The following EDEM2 variants were observed in gnomAD, a reference collection of about 807,000 sequenced individuals.
EDEM2 encodes ER degradation-enhancing alpha-mannosidase-like protein 2.
Under a neutral mutation model 64.8 loss-of-function variants are expected in EDEM2, and 39 were observed. The ratio of observed to expected loss-of-function variants is 0.60; its 90% confidence interval spans 0.47 to 0.79. The LOEUF (loss-of-function observed/expected upper bound fraction) is 0.79, where lower values mean the gene tolerates loss of function less well. Among genes scored for constraint, EDEM2 ranks in the 30% least tolerant of loss-of-function variants. The pLI is 0.00. For missense variants in EDEM2, 609 were observed against 731.3 expected (o/e 0.83, Z 1.93); for synonymous variants, 296 against 291.5 (o/e 1.02, Z -0.16).
intron 5 of EDEM2, among the ~76,000 whole-genome samples, chr20:35,136,551 G>C (rs1262990763): frequency 1.3e-5 from 2 of 152,110 alleles, no homozygotes; most frequent in African/African-American, 2.4e-5. Context: ...GATCCCGGGA[G>C]TTCAAGACCA....
intron 8 of EDEM2, among the ~76,000 whole-genome samples, chr20:35,125,771 T>C (rs2085425309): frequency 6.6e-6 from 1 of 152,196 alleles, no homozygotes; most frequent in Admixed American, 6.5e-5. Context: ...ACGTAGATTA[T>C]AAAAACATTT....
chr20:35,124,941 C>T (rs910685897), intron 8 of EDEM2, among the ~76,000 whole-genome samples: 3 of 152,166 alleles, frequency 2.0e-5, no homozygotes, highest in Non-Finnish European at 4.4e-5. Context: ...ATTAGGATCA[C>T]TGGGTCAAAG....
intron 2 of EDEM2, among the ~76,000 whole-genome samples, chr20:35,145,662 C>T (rs1404665431): frequency 6.6e-6 from 1 of 152,134 alleles, no homozygotes; most frequent in African/African-American, 2.4e-5. Flanking sequence ...CACAAGGGAA[C>T]TTTTTAAAGT....
intron 8 of EDEM2, among the ~76,000 whole-genome samples, chr20:35,125,649 G>A (rs550346895): frequency 6.6e-6 from 1 of 152,174 alleles, no homozygotes; most frequent in African/African-American, 2.4e-5. Context: ...CTGCCAAAGC[G>A]CTGGGATTAT....
chr20:35,142,972 G>A (rs1431601158), intron 3 of EDEM2, among the ~76,000 whole-genome samples: 2 of 152,118 alleles, frequency 1.3e-5, no homozygotes, highest in Non-Finnish European at 2.9e-5. Context: ...TGATCAGGCT[G>A]GTCTCAAACT....
At chr20:35,116,017 C>T (rs1204460364) in intron 10 of EDEM2, 84 bp from the exon 11 acceptor site, 2 of 1,485,076 alleles carry the variant, frequency 1.3e-6, no homozygotes, top group Non-Finnish European at 1.8e-6. Flanking sequence ...AAGGCCTGTT[C>T]TGCCACAAAG....
Position 35,115,384 on chromosome 20 carries a change from T to C in EDEM2, c.*49A>G. The C allele has an allele frequency of 6.4e-7, 1 of 1,557,946 alleles. No individual in the cohort carries two copies. The highest frequency in any genetic ancestry group is 8.7e-7 in the Non-Finnish European group (1 of 1,155,962). The stretch of plus-strand genomic sequence containing the variant: ...CAAAATATGATAGCCAAAAGCAATT[T>C]ATTATAGTTTAGCCTCAAAAAAATA... On this transcript the variant is annotated 3_prime_UTR_variant, in exon 11 of 11. Transcript: ENST00000374492.
intron 6 of EDEM2, 145 bp from the exon 7 acceptor site, chr20:35,131,928 G>A: frequency 1.1e-6 from 1 of 934,198 alleles, no homozygotes; most frequent in Non-Finnish European, 1.6e-6. Flanking sequence ...GAGAGGGAAG[G>A]GCAATGCTGG....
intron 8 of EDEM2, among the ~76,000 whole-genome samples, chr20:35,124,694 A>G (rs1029738807): frequency 2.6e-5 from 4 of 152,150 alleles, no homozygotes; most frequent in East Asian, 1.9e-4. Context: ...GGTTTCTTGT[A>G]TAACCTTTCA....
At chr20:35,139,263 T>C (rs764688955) in intron 4 of EDEM2, among the ~76,000 whole-genome samples, 2 of 149,156 alleles carry the variant, frequency 1.3e-5, no homozygotes, top group South Asian at 2.1e-4. Flanking sequence ...GGCAGAAGAA[T>C]GGCTTAAACC....
chr20:35,136,734 G>A (rs1032138400), intron 5 of EDEM2, among the ~76,000 whole-genome samples: 5 of 137,052 alleles, frequency 3.6e-5, no homozygotes, highest in African/African-American at 5.4e-5. Flanking sequence ...CAGCCTGGGC[G>A]ACAGAGCAAG....
chr20:35,118,416 T>C (rs2085331843), intron 10 of EDEM2, 182 bp downstream of exon 10: 14 of 865,152 alleles, frequency 1.6e-5, no homozygotes, highest in South Asian at 3.1e-5. Context: ...GTGAGATCTT[T>C]AGCAAGGCAC....
In EDEM2 at chr20:35,128,476, A is replaced by C. The variant is rs554787896; in HGVS notation, c.845-2101T>G. 1.3e-4 allele frequency among the ~76,000 whole-genome samples: 20 copies of C among 149,142 alleles called. No homozygotes were observed. The East Asian group carries it at 3.7e-3, about 27-fold the overall frequency. The stretch of plus-strand genomic sequence containing the variant: ...CAGGAGGCTAAGACAGGAAAATCAC[A>C]GGAGAATTGAACCTGGGAGGCGGAG... On this transcript the variant is annotated intron_variant, in intron 7 of 10. Transcript: ENST00000374492.
chr20:35,128,103 C>T (rs1205882439), intron 7 of EDEM2, among the ~76,000 whole-genome samples: 1 of 152,032 alleles, frequency 6.6e-6, no homozygotes, highest in Admixed American at 6.6e-5. Flanking sequence ...TAAAAAAAGT[C>T]GGCTGGGCGT....
At chr20:35,123,031 G>A (rs549620978) in intron 9 of EDEM2, among the ~76,000 whole-genome samples, 2 of 152,240 alleles carry the variant, frequency 1.3e-5, no homozygotes, top group Admixed American at 1.3e-4. Context: ...CTTCCCTGAA[G>A]TGAATCAAAT....
intron 2 of EDEM2, among the ~76,000 whole-genome samples, chr20:35,146,414 C>A (rs1298145342): frequency 6.6e-6 from 1 of 152,070 alleles, no homozygotes; most frequent in African/African-American, 2.4e-5. Flanking sequence ...GTATTTCAGG[C>A]ACGGGGCACA....
At chr20:35,121,296 C>T (rs149661854) in intron 9 of EDEM2, among the ~76,000 whole-genome samples, 4 of 152,300 alleles carry the variant, frequency 2.6e-5, no homozygotes, top group South Asian at 2.1e-4. Context: ...GATCATCAGG[C>T]ATCAGCTTCT....
At chr20:35,118,011 T>A (rs1374503648) in intron 10 of EDEM2, among the ~76,000 whole-genome samples, 6 of 152,142 alleles carry the variant, frequency 3.9e-5, no homozygotes, top group African/African-American at 1.2e-4. Flanking sequence ...CTCTTCCCAC[T>A]TTTCTCCTTG....
chr20:35,147,004 A>G (rs1287337869), intron 1 of EDEM2, 69 bp from the exon 2 acceptor site: 1 of 1,567,252 alleles, frequency 6.4e-7, no homozygotes, highest in Non-Finnish European at 8.7e-7. Context: ...AACAAGATAC[A>G]GGGCGGAAAG....
Sources: allele counts gnomAD v4.1 joint callset (sites outside exome capture counted in the v4.1 genomes callset), GRCh38; gene constraint gnomAD v4.1.1; transcripts MANE v1.5; gene names NCBI Gene and HGNC (gene_info 2026-07-23, HGNC 2026-07-21).